CAMK1D: variants seen among roughly 807,000 people sequenced by gnomAD.
CAMK1D encodes the protein calcium/calmodulin dependent protein kinase ID.
Under a neutral mutation model 47.7 loss-of-function variants are expected in CAMK1D, and 9 were observed. The observed-to-expected ratio is 0.19, with a 90% CI of 0.11 to 0.33. The LOEUF (loss-of-function observed/expected upper bound fraction) is 0.33. Ranked by LOEUF, CAMK1D falls within the 10% of genes least tolerant of loss-of-function variation. CAMK1D has a pLI of 1.00. For missense variants in CAMK1D, 291 were observed against 488.7 expected (o/e 0.60, Z 3.81); for synonymous variants, 184 against 184.9 (o/e 0.99, Z 0.04).
chr10:12,697,645 C>T (rs1014666255), intron 3 of CAMK1D, among the ~76,000 whole-genome samples: 17 of 152,352 alleles, frequency 1.1e-4, no homozygotes, highest in African/African-American at 3.8e-4. Flanking sequence ...GTGATCTGCT[C>T]GCCTTGGCCT....
intron 2 of CAMK1D, 135 bp from the exon 3 acceptor site, chr10:12,666,601 C>T: frequency 1.5e-6 from 1 of 686,550 alleles, no homozygotes; most frequent in South Asian, 1.9e-5. Flanking sequence ...CTGGGGACAA[C>T]ATTGTGAAGT....
chr10:12,652,682 C>T (rs1034248732), intron 2 of CAMK1D, among the ~76,000 whole-genome samples: 4 of 152,138 alleles, frequency 2.6e-5, no homozygotes, highest in African/African-American at 9.7e-5. Flanking sequence ...TTGCAAATAG[C>T]CCTGGAGGTT....
chr10:12,691,162 C>A (rs955188533), intron 3 of CAMK1D, among the ~76,000 whole-genome samples: 1 of 151,686 alleles, frequency 6.6e-6, no homozygotes, highest in Non-Finnish European at 1.5e-5. Context: ...TGAAGACTGA[C>A]TGTAAAGGGA....
At chr10:12,554,147 T>G (rs1588626867) in intron 2 of CAMK1D, among the ~76,000 whole-genome samples, 1 of 149,968 alleles carries the variant, frequency 6.7e-6, no homozygotes, top group Admixed American at 6.7e-5. Flanking sequence ...TCCCCTTTGC[T>G]CCCCTCCCCT....
At chr10:12,645,641 C>A (rs1043738242) in intron 2 of CAMK1D, among the ~76,000 whole-genome samples, 4 of 152,164 alleles carry the variant, frequency 2.6e-5, no homozygotes, top group African/African-American at 9.7e-5. Flanking sequence ...AGGCTGGCAC[C>A]AAGTGCTCTA....
intron 3 of CAMK1D, among the ~76,000 whole-genome samples, chr10:12,745,795 G>T (rs1230648549): frequency 6.6e-6 from 1 of 152,112 alleles, no homozygotes; most frequent in Middle Eastern, 3.4e-3. Flanking sequence ...GTAGAGATGG[G>T]ATTTCACCAT....
chr10:12,490,382 G>A (rs999076565), intron 1 of CAMK1D, among the ~76,000 whole-genome samples: 1 of 152,116 alleles, frequency 6.6e-6, no homozygotes, highest in Admixed American at 6.5e-5. Context: ...GGGAACTGGG[G>A]GACTGGCTCC....
At chr10:12,582,386 A>G (rs1054578501) in intron 2 of CAMK1D, among the ~76,000 whole-genome samples, 1 of 152,092 alleles carries the variant, frequency 6.6e-6, no homozygotes, top group Non-Finnish European at 1.5e-5. Context: ...TTTTGGTGCC[A>G]TATGAATTTT....
intron 2 of CAMK1D, among the ~76,000 whole-genome samples, chr10:12,608,586 C>T (rs1321200283): frequency 6.6e-6 from 1 of 152,194 alleles, no homozygotes; most frequent in Non-Finnish European, 1.5e-5. Context: ...CAACAAATGG[C>T]ATCTGCAAAG....
intron 10 of CAMK1D, among the ~76,000 whole-genome samples, chr10:12,826,874 G>C (rs935606147): frequency 1.3e-5 from 2 of 152,194 alleles, no homozygotes; most frequent in Non-Finnish European, 2.9e-5. Context: ...CACTGGCATC[G>C]GCAGCAAAGC....
intron 1 of CAMK1D, among the ~76,000 whole-genome samples, chr10:12,354,575 AT>A (rs11297433): frequency 0.72 from 108,748 of 151,176 alleles, 39,844 homozygotes; most frequent in Non-Finnish European, 0.79. Flanking sequence ...CACCCGGCTA[AT>A]TTTTTTGTAT....
intron 1 of CAMK1D, among the ~76,000 whole-genome samples, chr10:12,493,613 C>A (rs1401281201): frequency 1.3e-5 from 2 of 152,122 alleles, no homozygotes; most frequent in Admixed American, 1.3e-4. Flanking sequence ...GCTCCCTCAG[C>A]CTCTCGAGTA....
At chr10:12,470,052 A>G (rs961401619) in intron 1 of CAMK1D, among the ~76,000 whole-genome samples, 1 of 152,226 alleles carries the variant, frequency 6.6e-6, no homozygotes, top group Non-Finnish European at 1.5e-5. Flanking sequence ...AATGATTTCA[A>G]ATGTTCATTT....
chr10:12,792,487 C>T (rs1838018166), intron 6 of CAMK1D, among the ~76,000 whole-genome samples: 1 of 152,142 alleles, frequency 6.6e-6, no homozygotes, highest in African/African-American at 2.4e-5. Context: ...CAGAAAGAGC[C>T]CCCTGCACAC....
At chr10:12,666,287 G>A (rs1172635350) in intron 2 of CAMK1D, among the ~76,000 whole-genome samples, 1 of 152,080 alleles carries the variant, frequency 6.6e-6, no homozygotes, top group Non-Finnish European at 1.5e-5. Context: ...ATATTCTCCA[G>A]TGTCTCACCA....
chr10:12,691,450 T>A (rs1431793846), intron 3 of CAMK1D, among the ~76,000 whole-genome samples: 1 of 108,342 alleles, frequency 9.2e-6, no homozygotes, highest in Non-Finnish European at 1.9e-5. Flanking sequence ...TTTTTTTTTT[T>A]GAGTGAGAGT....
chr10:12,445,541 T>C (rs969522147), intron 1 of CAMK1D, among the ~76,000 whole-genome samples: 15 of 152,344 alleles, frequency 9.8e-5, no homozygotes, highest in Admixed American at 9.2e-4. Context: ...AGACAGACTT[T>C]TCTTTGGGTA....
At chr10:12,820,200 C>T (rs1342949558) in intron 8 of CAMK1D, among the ~76,000 whole-genome samples, 1 of 152,166 alleles carries the variant, frequency 6.6e-6, no homozygotes, top group African/African-American at 2.4e-5. Context: ...CCACCACATC[C>T]AGCTAATTTT....
At chr10:12,548,447 CTTTTTT>C (rs35061502) in intron 1 of CAMK1D, among the ~76,000 whole-genome samples, 5 of 81,194 alleles carry the variant, frequency 6.2e-5, no homozygotes, top group Admixed American at 3.1e-4. Flanking sequence ...CCATTTTAAG[CTTTTTT>C]TTTTTTTTTT....
Sources: allele counts gnomAD v4.1 joint callset (sites outside exome capture counted in the v4.1 genomes callset), GRCh38; gene constraint gnomAD v4.1.1; transcripts MANE v1.5; gene names NCBI Gene and HGNC (gene_info 2026-07-23, HGNC 2026-07-21).